The following CCDC171 variants were observed in gnomAD, a reference collection of about 807,000 sequenced individuals.
CCDC171 encodes the protein coiled-coil domain-containing protein 171.
In CCDC171, 177 loss-of-function variants were observed where a neutral mutation model predicts 168.2. The ratio of observed to expected loss-of-function variants is 1.05; its 90% CI spans 0.93 to 1.19. The LOEUF (loss-of-function observed/expected upper bound fraction) is 1.19, where lower values mean the gene tolerates loss of function less well. CCDC171 is among the 50% of genes most tolerant of loss of function. The pLI, the probability that CCDC171 is intolerant of heterozygous loss-of-function variation, is 0.00. For missense variants in CCDC171, 1,991 were observed against 1,539.0 expected (o/e 1.29, Z -4.91); for synonymous variants, 687 against 540.8 (o/e 1.27, Z -3.75).
At chr9:15,960,362 T>A (rs1317432310) in intron 25 of CCDC171, among the ~76,000 whole-genome samples, 1 of 152,172 alleles carries the variant, frequency 6.6e-6, no homozygotes, top group African/African-American at 2.4e-5. Context: ...AGGCACTTGA[T>A]AGATATTTAC....
At chr9:16,081,083 G>T in the CCDC171 span, among the ~76,000 whole-genome samples, 1 of 152,144 alleles carries the variant, frequency 6.6e-6, no homozygotes, top group Non-Finnish European at 1.5e-5. Context: ...CGAGTAGCGG[G>T]CCACCTCTCC....
chr9:15,946,074 G>A (rs1042031324), intron 25 of CCDC171, among the ~76,000 whole-genome samples: 1 of 151,850 alleles, frequency 6.6e-6, no homozygotes, highest in Non-Finnish European at 1.5e-5. Flanking sequence ...GTAAGGAAGG[G>A]ATCCAGTTTC....
intron 7 of CCDC171, 44 bp downstream of exon 7, chr9:15,623,457 TCACATATGCGCGCGCGCG>T (rs1473555691): frequency 1.2e-6 from 1 of 867,222 alleles, no homozygotes; most frequent in Non-Finnish European, 1.6e-6. Context: ...GTACAAACTT[TCACATATGCGCGCGCGCG>T]CACACACACA....
At chr9:16,066,542 T>G (rs1833992798), downstream of CCDC171, among the ~76,000 whole-genome samples, 1 of 151,138 alleles carries the variant, frequency 6.6e-6, no homozygotes, top group African/African-American at 2.4e-5. Context: ...ACATGTGCCA[T>G]GCTGGTGCGC....
At chr9:15,948,999 G>A (rs533409089) in intron 25 of CCDC171, among the ~76,000 whole-genome samples, 136 of 152,070 alleles carry the variant, frequency 8.9e-4, no homozygotes, top group African/African-American at 2.8e-3. Flanking sequence ...TGATTTTAGT[G>A]TAAGGTGTAA....
At chr9:16,033,021 C>A (rs945330193) in intron 6 of CCDC171, among the ~76,000 whole-genome samples, 1 of 152,096 alleles carries the variant, frequency 6.6e-6, no homozygotes, top group Admixed American at 6.5e-5. Context: ...CACCTGCTGG[C>A]CAGAGGAGGG....
chr9:15,690,421 C>G (rs1303762402), intron 10 of CCDC171, among the ~76,000 whole-genome samples: 1 of 151,952 alleles, frequency 6.6e-6, no homozygotes, highest in Non-Finnish European at 1.5e-5. Context: ...TGTTTGTATG[C>G]CAAATCAATG....
rs1421969728 is a variant in CCDC171, at chr9:15,745,550, C to G, written c.2590C>G (p.Leu864Val). ...GGAGCAGTTGCGTTGTTTACAAGCG[C>G]TCAGTTGGCTCACCAGTTCTGACCT... ...QKEQLRCLQA[L>V]SWLTSSDLLA... The change falls in exon 18 of 26, where the codon CTC becomes GTC. Residue 864 changes from leucine (L) to valine (V), a missense_variant. Transcript: ENST00000380701. 5 of 1,588,578 alleles carry G rather than the reference C, an allele frequency of 3.1e-6. No homozygotes were observed. Among genetic ancestry groups the G allele is most frequent in the South Asian group, 1.2e-5 (1 of 86,808 alleles).
intron 21 of CCDC171, among the ~76,000 whole-genome samples, chr9:15,785,536 T>C (rs1203546427): frequency 6.6e-6 from 1 of 152,132 alleles, no homozygotes; most frequent in Non-Finnish European, 1.5e-5. Context: ...TGCTAACTAC[T>C]TTAAAACACT....
chr9:16,029,183 A>G (rs1328501961), intron 6 of CCDC171, among the ~76,000 whole-genome samples: 1 of 152,166 alleles, frequency 6.6e-6, no homozygotes, highest in African/African-American at 2.4e-5. Context: ...GAGGTCTTAG[A>G]AGGGGCAACA....
At chr9:15,569,450 A>T (rs191184235) in intron 2 of CCDC171, among the ~76,000 whole-genome samples, 88 of 152,352 alleles carry the variant, frequency 5.8e-4, no homozygotes, top group Non-Finnish European at 9.8e-4. Context: ...TAATGTTATA[A>T]ATTTATTGTT....
chr9:15,591,585 C>T (rs368164331), intron 5 of CCDC171, 29 bp downstream of exon 5: 65 of 1,237,080 alleles, frequency 5.3e-5, no homozygotes, highest in South Asian at 1.1e-4. Context: ...AGGAATTTTC[C>T]GATATGTAAT....
chr9:15,978,666 C>G (rs935573287), downstream of CCDC171, among the ~76,000 whole-genome samples: 1 of 152,176 alleles, frequency 6.6e-6, no homozygotes, highest in African/African-American at 2.4e-5. Context: ...TGCTTCACAA[C>G]AATTCAGATA....
intron 6 of CCDC171, among the ~76,000 whole-genome samples, chr9:15,616,511 G>C (rs537490484): frequency 4.6e-5 from 7 of 151,944 alleles, no homozygotes; most frequent in African/African-American, 1.7e-4. Flanking sequence ...GCATCTTTTT[G>C]TTATAGACTC....
chr9:15,639,501 T>C (rs1017466649), intron 7 of CCDC171, among the ~76,000 whole-genome samples: 1 of 152,118 alleles, frequency 6.6e-6, no homozygotes, highest in Non-Finnish European at 1.5e-5. Context: ...TGTGGGTTTT[T>C]TGATTATACC....
intron 10 of CCDC171, among the ~76,000 whole-genome samples, chr9:15,689,346 C>G (rs1438299868): frequency 1.3e-5 from 2 of 152,186 alleles, no homozygotes; most frequent in East Asian, 1.9e-4. Flanking sequence ...GCTATGCTTA[C>G]CACTGTACCA....
At chr9:15,556,484 T>G (rs1003326275) in intron 1 of CCDC171, among the ~76,000 whole-genome samples, 1 of 152,174 alleles carries the variant, frequency 6.6e-6, no homozygotes, top group African/African-American at 2.4e-5. Context: ...ATTTCTCTGA[T>G]GGCCAGTGAT....
chr9:15,656,112 G>C (rs1336114319), intron 7 of CCDC171, among the ~76,000 whole-genome samples: 1 of 152,164 alleles, frequency 6.6e-6, no homozygotes, highest in Non-Finnish European at 1.5e-5. Context: ...GAGGTCAGGA[G>C]ATCGAGACCA....
chr9:15,841,066 G>A (rs1191249849), intron 21 of CCDC171, among the ~76,000 whole-genome samples: 1 of 151,876 alleles, frequency 6.6e-6, no homozygotes, highest in African/African-American at 2.4e-5. Context: ...ATAATCATGA[G>A]GCATTATACA....
Sources: gnomAD v4.1 joint callset for allele counts (sites outside exome capture counted in the v4.1 genomes callset) on GRCh38, gnomAD v4.1.1 for gene constraint, MANE v1.5 for transcripts, NCBI Gene and HGNC (gene_info 2026-07-23, HGNC 2026-07-21) for gene names.